The following CHST9 variants were observed in gnomAD, a reference collection of about 807,000 sequenced individuals.
The protein encoded by CHST9 is carbohydrate sulfotransferase 9.
Under a neutral mutation model 44.4 loss-of-function variants are expected in CHST9, and 41 were observed. The observed-to-expected ratio is 0.92, with a 90% CI of 0.72 to 1.20. The LOEUF (loss-of-function observed/expected upper bound fraction) is 1.20. Among genes scored for constraint, CHST9 ranks in the 50% most tolerant of loss-of-function variants. CHST9 has a pLI of 0.00. For synonymous variants in CHST9, 171 were observed against 178.4 expected (o/e 0.96, Z 0.33); for missense variants, 504 against 516.5 (o/e 0.98, Z 0.23).
In CHST9 at chr18:26,969,669, C is replaced by T. The variant is rs142306748; in HGVS notation, c.203-25303G>A. Reference sequence around the variant, plus strand: ...CAATTAGCAAATAAGCAAATGTATACGGTCTTATTGTGCCATGAAGTGAAA... The same window carrying T: ...CAATTAGCAAATAAGCAAATGTATATGGTCTTATTGTGCCATGAAGTGAAA... On this transcript the variant is annotated intron_variant, in intron 4 of 5. Coordinates refer to ENST00000618847, the MANE Select transcript of CHST9 (RefSeq NM_031422.6). Among the ~76,000 whole-genome samples, 120 of 152,174 alleles carry T rather than the reference C, an allele frequency of 7.9e-4. 1 individual carries two copies. The highest frequency in any genetic ancestry group is 1.4e-3 in the Non-Finnish European group (97 of 68,022).
chr18:27,129,715 C>G (rs1192333465), intron 2 of CHST9, among the ~76,000 whole-genome samples: 1 of 152,098 alleles, frequency 6.6e-6, no homozygotes, highest in Admixed American at 6.5e-5. Flanking sequence ...GAAAAGAATA[C>G]CTCAGTTTGA....
At chr18:26,941,637 GA>G (rs900035731) in intron 5 of CHST9, among the ~76,000 whole-genome samples, 4 of 148,100 alleles carry the variant, frequency 2.7e-5, no homozygotes, top group South Asian at 4.3e-4. Flanking sequence ...AGAGACAGCT[GA>G]AAAAAAAAAT....
intron 4 of CHST9, among the ~76,000 whole-genome samples, chr18:27,023,568 A>T (rs2057249422): frequency 6.6e-6 from 1 of 152,244 alleles, no homozygotes; most frequent in Admixed American, 6.5e-5. Context: ...TGCCAAAGCC[A>T]TGAAAACAAT....
chr18:27,140,176 G>A (rs2058553264), intron 2 of CHST9, among the ~76,000 whole-genome samples: 1 of 152,114 alleles, frequency 6.6e-6, no homozygotes, highest in South Asian at 2.1e-4. Context: ...CAGAGGCGTG[G>A]ACCTCGTAGC....
rs750066483 is a variant in CHST9, at chr18:26,916,837, C to T, written c.754G>A (p.Gly252Arg). The stretch of plus-strand genomic sequence containing the variant: ...CTATCTAGCTTCTTCAAATGCTTCC[C>T]GTAGTGGACAGCATTGTGGGAGATG... Reference protein sequence around the residue: ...YNISHNAVHYGKHLKKLDSFD... With the variant: ...YNISHNAVHYRKHLKKLDSFD... Residue 252 changes from glycine (G) to arginine (R), a missense_variant, in exon 6 of 6, where the codon GGG becomes AGG. Gly to Arg is a moderately radical substitution (Grantham distance 125, BLOSUM62 -2). Transcript: ENST00000618847. 23 of 1,613,768 alleles carry T rather than the reference C, an allele frequency of 1.4e-5. No homozygotes were observed. The highest frequency in any genetic ancestry group is 1.6e-4 in the Middle Eastern group (1 of 6,084).
intron 5 of CHST9, chr18:26,935,119 T>C (rs2055964332): frequency 6.6e-6 from 1 of 152,220 alleles, no homozygotes. Context: ...ATTTCTCTTG[T>C]ATGAAGAAGG....
At chr18:26,921,671 C>CCATCATCAT (rs141291241) in intron 5 of CHST9, among the ~76,000 whole-genome samples, 1 of 151,464 alleles carries the variant, frequency 6.6e-6, no homozygotes, top group Non-Finnish European at 1.5e-5. Flanking sequence ...CAACAAAGTC[C>CCATCATCAT]CATCATCATC....
chr18:27,121,435 G>A (rs2058373475), intron 2 of CHST9, among the ~76,000 whole-genome samples: 1 of 152,080 alleles, frequency 6.6e-6, no homozygotes, highest in South Asian at 2.1e-4. Context: ...TACTTTCCTA[G>A]CCACAGGTGA....
chr18:27,164,943 A>T (rs1034632111), intron 1 of CHST9, among the ~76,000 whole-genome samples: 2 of 152,240 alleles, frequency 1.3e-5, no homozygotes, highest in African/African-American at 2.4e-5. Flanking sequence ...AGTTCTCAAA[A>T]TATCTACCTC....
At chr18:27,007,463 C>T (rs900921904) in intron 4 of CHST9, among the ~76,000 whole-genome samples, 2 of 152,114 alleles carry the variant, frequency 1.3e-5, no homozygotes, top group Admixed American at 6.5e-5. Context: ...CAGGTGGTTA[C>T]GTGGCTCTCA....
intron 1 of CHST9, among the ~76,000 whole-genome samples, chr18:27,182,075 C>T (rs2058916426): frequency 6.6e-6 from 1 of 152,114 alleles, no homozygotes; most frequent in Non-Finnish European, 1.5e-5. Flanking sequence ...CAAAGACAAA[C>T]ACAAATGACT....
In CHST9 at chr18:27,137,625, A is replaced by C. The variant is rs2058527218; in HGVS notation, c.121+5064T>G. 1.3e-5 allele frequency among the ~76,000 whole-genome samples: 2 copies of C among 152,130 alleles called. 1 individual carries two copies. The highest frequency in any genetic ancestry group is 4.1e-4 in the South Asian group (2 of 4,826). On this transcript the variant is annotated intron_variant, in intron 2 of 5. Transcript: ENST00000618847. Reference sequence around the variant, plus strand: ...TCTGGGGAGAAGGTTTTGTTAAAGGAAATGAAATATGATTGAAAAATTTTA... The same window carrying C: ...TCTGGGGAGAAGGTTTTGTTAAAGGCAATGAAATATGATTGAAAAATTTTA...
intron 2 of CHST9, among the ~76,000 whole-genome samples, chr18:27,075,045 A>G (rs559237040): frequency 1.3e-5 from 2 of 151,218 alleles, no homozygotes; most frequent in Middle Eastern, 3.5e-3. Context: ...GGAAATAGAG[A>G]CTGTAGATCA....
intron 4 of CHST9, among the ~76,000 whole-genome samples, chr18:26,987,565 TGAC>T (rs1232986358): frequency 6.6e-6 from 1 of 152,102 alleles, no homozygotes; most frequent in Non-Finnish European, 1.5e-5. Flanking sequence ...ATAAAATATA[TGAC>T]AACAACAGGG....
chr18:26,918,968 C>T (rs1179828280), intron 5 of CHST9, among the ~76,000 whole-genome samples: 2 of 151,942 alleles, frequency 1.3e-5, no homozygotes, highest in East Asian at 1.9e-4. Flanking sequence ...GCTGGGGAGG[C>T]CTCACAATCA....
At chr18:27,053,130 G>GAAGAAGAAGAA in intron 2 of CHST9, among the ~76,000 whole-genome samples, 1 of 71,236 alleles carries the variant, frequency 1.4e-5, no homozygotes, top group Non-Finnish European at 2.7e-5. Flanking sequence ...AGGAAGAAGA[G>GAAGAAGAAGAA]GAAGAAGAAG....
At chr18:26,918,460 A>G (rs139504546) in intron 5 of CHST9, among the ~76,000 whole-genome samples, 127 of 152,206 alleles carry the variant, frequency 8.3e-4, no homozygotes, top group African/African-American at 3.0e-3. Context: ...CCTAGGGAAT[A>G]TAAACATGAT....
intron 2 of CHST9, among the ~76,000 whole-genome samples, chr18:27,136,122 G>A (rs2058511343): frequency 1.3e-5 from 2 of 152,218 alleles, no homozygotes; most frequent in African/African-American, 4.8e-5. Context: ...TTAAGGGGAT[G>A]CTGATGTACA....
At chr18:27,064,053 A>G (rs2057755085) in intron 2 of CHST9, among the ~76,000 whole-genome samples, 1 of 152,044 alleles carries the variant, frequency 6.6e-6, no homozygotes, top group Non-Finnish European at 1.5e-5. Context: ...CTATATACAG[A>G]GACTTTTTTT....
Sources: gnomAD v4.1 joint callset for allele counts (sites outside exome capture counted in the v4.1 genomes callset) on GRCh38, gnomAD v4.1.1 for gene constraint, MANE v1.5 for transcripts, NCBI Gene and HGNC (gene_info 2026-07-23, HGNC 2026-07-21) for gene names.